CACNG6: variants seen among roughly 807,000 people sequenced by gnomAD.
CACNG6 encodes the protein calcium voltage-gated channel auxiliary subunit gamma 6, also known as voltage-dependent calcium channel gamma-6 subunit.
CACNG6 carries 21 observed loss-of-function variants against 23.9 expected under a neutral mutation model. That is an observed-to-expected ratio of 0.88 (90% CI 0.62 to 1.26). The LOEUF (loss-of-function observed/expected upper bound fraction) is 1.26, where lower values mean the gene tolerates loss of function less well. Ranked by LOEUF, CACNG6 falls within the 50% of genes most tolerant of loss-of-function variation. The pLI is 0.00. For synonymous variants in CACNG6, 182 were observed against 168.9 expected, an observed-to-expected ratio of 1.08 and a Z score of -0.60; for missense variants, 340 against 352.9, an observed-to-expected ratio of 0.96 and a Z score of 0.29.
intron 3 of CACNG6, among the ~76,000 whole-genome samples, chr19:54,011,446 A>AC (rs1470075310): frequency 7.6e-6 from 1 of 132,180 alleles, no homozygotes; most frequent in Non-Finnish European, 1.6e-5. Context: ...AAAAAAAAAA[A>AC]AAAAAAACAA....
rs562045075 is a variant in CACNG6, at chr19:54,009,150, C to T, written c.545-2801C>T. Among the ~76,000 whole-genome samples the T allele has an allele frequency of 5.3e-5, 8 of 151,992 alleles. No individual in the cohort carries two copies. The East Asian group carries it at 7.8e-4, about 15-fold the overall frequency. ...CTAAAAATACAAAAATTGCCGGGCGCGGTGGCTCACGTCTGTAATCCCAGC... is the reference window on the plus strand; with the variant it reads ...CTAAAAATACAAAAATTGCCGGGCGTGGTGGCTCACGTCTGTAATCCCAGC... On this transcript the variant is annotated intron_variant, in intron 3 of 3. Transcript: ENST00000252729.
At chr19:53,999,511 C>A in intron 2 of CACNG6, 123 bp from the exon 3 acceptor site, 1 of 1,108,532 alleles carries the variant, frequency 9.0e-7, no homozygotes, top group Non-Finnish European at 1.3e-6. Context: ...GGATGATACT[C>A]TACTTGAAAA....
At chr19:53,993,286 A>T (rs1005743116) in intron 1 of CACNG6, 78 bp downstream of exon 1, 2 of 1,397,488 alleles carry the variant, frequency 1.4e-6, no homozygotes, top group African/African-American at 1.5e-5. Context: ...CGAGGAGAAA[A>T]CCCGCCCCAG....
chr19:53,999,191 G>A (rs1334257528), intron 2 of CACNG6, among the ~76,000 whole-genome samples: 1 of 152,092 alleles, frequency 6.6e-6, no homozygotes, highest in Non-Finnish European at 1.5e-5. Context: ...AGGCTGAGAA[G>A]GGTTCAGCCT....
upstream of CACNG6, among the ~76,000 whole-genome samples, chr19:53,991,563 A>G (rs1416846028): frequency 8.3e-6 from 1 of 120,438 alleles, no homozygotes; most frequent in Non-Finnish European, 1.7e-5. Flanking sequence ...GTCAAGCCCG[A>G]AATAGCCCCG....
chr19:53,999,452 C>A (rs979112620), intron 2 of CACNG6, among the ~76,000 whole-genome samples, 182 bp from the exon 3 acceptor site: 1 of 152,174 alleles, frequency 6.6e-6, no homozygotes, highest in Admixed American at 6.6e-5. Context: ...AAATAACTGA[C>A]CCTTTCTGAG....
chr19:54,006,517 C>CTTTCTTTTTTTTTTTTTTTTTT (rs2069646652), intron 3 of CACNG6, among the ~76,000 whole-genome samples: 5 of 107,324 alleles, frequency 4.7e-5, no homozygotes, highest in African/African-American at 1.9e-4. Flanking sequence ...TTCCTTCTTT[C>CTTTCTTTTTTTTTTTTTTTTTT]TTTTCTTTTT....
chr19:53,997,574 C>T (rs972665455), intron 1 of CACNG6, among the ~76,000 whole-genome samples: 4 of 152,112 alleles, frequency 2.6e-5, no homozygotes, highest in Non-Finnish European at 2.9e-5. Context: ...TCTTTTCAAA[C>T]GCTTGATATG....
chr19:53,993,241 C>T (rs1283487822), intron 1 of CACNG6, 33 bp downstream of exon 1: 2 of 1,515,964 alleles, frequency 1.3e-6, no homozygotes, highest in East Asian at 5.0e-5. Context: ...GCAGGGCTTG[C>T]GTCCCACGGA....
At chr19:54,011,754 G>A (rs1490326955) in intron 3 of CACNG6, among the ~76,000 whole-genome samples, 197 bp from the exon 4 acceptor site, 1 of 133,668 alleles carries the variant, frequency 7.5e-6, no homozygotes, top group African/African-American at 2.8e-5. Flanking sequence ...CTATGACTTT[G>A]TGTCTTGTTT....
rs1342551575 is a variant in CACNG6, at chr19:53,999,671, C to A, written c.444C>A (p.Gly148=). ...CAGCTGCGGTGATAGCAGTGCTGGG[C>A]CTGGCAGTCATGGCCTTGGGGTGCC... is the stretch of plus-strand genomic sequence containing the variant. ...NLAAAVIAVL[G]LAVMALGCLC... Residue 148 remains glycine, a synonymous_variant, in exon 3 of 4, where the codon GGC becomes GGA. Transcript: ENST00000252729. 2 of 1,614,000 alleles carry A rather than the reference C, an allele frequency of 1.2e-6. No individual in the cohort carries two copies. Among genetic ancestry groups the A allele is most frequent in the South Asian group, 1.1e-5 (1 of 91,084 alleles).
chr19:54,010,180 C>A (rs1255369582), intron 3 of CACNG6, among the ~76,000 whole-genome samples: 1 of 151,632 alleles, frequency 6.6e-6, no homozygotes, highest in Admixed American at 6.6e-5. Flanking sequence ...ACCACCACGC[C>A]CAGCTAATTT....
intron 3 of CACNG6, among the ~76,000 whole-genome samples, chr19:54,011,097 C>A (rs459629): frequency 0.45 from 66,090 of 146,514 alleles, 15,254 homozygotes; most frequent in East Asian, 0.56. Flanking sequence ...TCTCACCTGT[C>A]ATCTCAGCAC....
chr19:54,006,517 C>CTTTCTTTTTTT (rs2069646652), intron 3 of CACNG6, among the ~76,000 whole-genome samples: 1 of 107,332 alleles, frequency 9.3e-6, no homozygotes, highest in African/African-American at 3.8e-5. Flanking sequence ...TTCCTTCTTT[C>CTTTCTTTTTTT]TTTTCTTTTT....
rs1052032776 is a variant in CACNG6, at chr19:53,993,130, A to G, written c.253A>G (p.Lys85Glu). The G allele has an allele frequency of 1.9e-6, 3 of 1,548,036 alleles. No individual in the cohort carries two copies. In the South Asian group the frequency reaches 3.6e-5, roughly 18 times the overall value. Reference protein sequence around the residue: ...VCEAAHLGLWKACTKRLWQAD... With the variant: ...VCEAAHLGLWEACTKRLWQAD... ...CGAAGCGGCCCACCTGGGGCTGTGG[A>G]AGGCGTGCACCAAGCGGCTGTGGCA... is the stretch of plus-strand genomic sequence containing the variant. The change falls in exon 1 of 4, where the codon AAG (lysine) becomes GAG (glutamate). Residue 85 changes from lysine (K) to glutamate (E), a missense_variant. Physicochemically the swap from Lys to Glu is moderately conservative, Grantham distance 56. Transcript: ENST00000252729.
chr19:53,994,649 C>T (rs188653225), intron 1 of CACNG6, among the ~76,000 whole-genome samples: 44 of 152,250 alleles, frequency 2.9e-4, no homozygotes, highest in African/African-American at 1.0e-3. Flanking sequence ...ATCCCAGTGC[C>T]CCTCAAAGAA....
At position 53,993,193 on chromosome 19, in the gene CACNG6, G is replaced by T; in HGVS notation, c.316G>T (p.Ala106Ser). The T allele has an allele frequency of 6.5e-7, 1 of 1,540,810 alleles. No individual in the cohort carries two copies. Among genetic ancestry groups the T allele is most frequent in the Non-Finnish European group, 8.7e-7 (1 of 1,145,702 alleles). The change falls in exon 1 of 4, where the codon GCG becomes TCG. Residue 106 changes from alanine to serine, a missense_variant. Transcript: ENST00000252729. ...VPVDRDTCGPAELPGEANCTY... is the reference protein window; with the variant it reads ...VPVDRDTCGPSELPGEANCTY... ...CGTGGACAGGGACACCTGCGGCCCC[G>T]CGGAGCTGCCCGGAGGTGAGCAGCC... is the stretch of plus-strand genomic sequence containing the variant.
At position 54,011,205 on chromosome 19, in the gene CACNG6, AAT is replaced by A. The variant is rs1555819785; in HGVS notation, c.545-724_545-723del. Among the ~76,000 whole-genome samples the A allele has an allele frequency of 3.7e-3, 374 of 102,448 alleles. 7 individuals are homozygous for A. The highest frequency in any genetic ancestry group is 4.3e-3 in the Middle Eastern group (1 of 230). The allele number at this position is 102,448 out of a possible 152,430, so 67.2% of individuals were successfully genotyped here. A position where few individuals can be genotyped will look rare whatever the true frequency, so the allele number is the denominator to read the frequency against. On this transcript the variant is annotated intron_variant, in intron 3 of 3. Coordinates refer to ENST00000252729, the MANE Select transcript of CACNG6 (RefSeq NM_145814.2). The stretch of plus-strand genomic sequence containing the variant: ...CCGTCTCTACTAAAAAAAAAAAAAA[AAT>A]ATATATATATATATATATATACACA...
In CACNG6 at chr19:54,012,225, C is replaced by G; in HGVS notation, c.*36C>G. The G allele has an allele frequency of 1.1e-6, 1 of 938,446 alleles. No homozygotes were observed. Among genetic ancestry groups the G allele is most frequent in the Non-Finnish European group, 1.5e-6 (1 of 660,586 alleles). The allele number at this position is 938,446 out of a possible 1,614,324, so 58.1% of individuals were successfully genotyped here. ...GAGACTTCTCTAAGCAACCACCGAG[C>G]CCTTTGACCTTCTCCATTGTACCCC... On this transcript the variant is annotated 3_prime_UTR_variant, in exon 4 of 4. Transcript: ENST00000252729.
Sources: allele counts gnomAD v4.1 joint callset (sites outside exome capture counted in the v4.1 genomes callset), GRCh38; gene constraint gnomAD v4.1.1; transcripts MANE v1.5; gene names NCBI Gene and HGNC (gene_info 2026-07-23, HGNC 2026-07-21).